Variants in MNAT1 observed in about 807,000 individuals in gnomAD.
The protein encoded by MNAT1 is MNAT1 component of CDK activating kinase, also known as CDK-activating kinase assembly factor MAT1.
In MNAT1, 43 loss-of-function variants were observed where a neutral mutation model predicts 42.0. That is an observed-to-expected ratio of 1.02 (90% CI 0.80 to 1.32). The LOEUF (loss-of-function observed/expected upper bound fraction) is 1.32. Ranked by LOEUF, MNAT1 falls within the 40% of genes most tolerant of loss-of-function variation. The pLI is 0.00. For missense variants in MNAT1, 306 were observed against 350.4 expected, an observed-to-expected ratio of 0.87 and a Z score of 1.01; for synonymous variants, 118 against 120.0, an observed-to-expected ratio of 0.98 and a Z score of 0.11.
intron 6 of MNAT1, among the ~76,000 whole-genome samples, chr14:60,863,650 A>T (rs961398227): frequency 1.2e-4 from 18 of 152,142 alleles, no homozygotes; most frequent in African/African-American, 4.1e-4. Context: ...TTTTAATTTT[A>T]AAAAATGGAC....
chr14:60,955,030 C>T (rs1327986161), intron 7 of MNAT1, among the ~76,000 whole-genome samples: 1 of 151,870 alleles, frequency 6.6e-6, no homozygotes, highest in Non-Finnish European at 1.5e-5. Flanking sequence ...CATAGATTTC[C>T]ATATGTTGCA....
At chr14:60,780,125 G>A (rs2031405023) in intron 1 of MNAT1, 1 of 1,487,042 alleles carries the variant, frequency 6.7e-7, no homozygotes. Context: ...GCAGAAATAC[G>A]GACTCACCTT....
At position 60,794,662 on chromosome 14, in the gene MNAT1, T is replaced by A. The variant is rs1336287474; in HGVS notation, c.90-1555T>A. On this transcript the variant is annotated intron_variant, in intron 1 of 7. Transcript: ENST00000261245. The stretch of plus-strand genomic sequence containing the variant: ...AAAAAAAAAAAAAAAAAAAAAAAAA[T>A]ATATATATATATATATAAAATAGGT... 1.3e-4 allele frequency among the ~76,000 whole-genome samples: 16 copies of A among 124,690 alleles called. No homozygotes were observed. In the South Asian group the frequency reaches 2.8e-3, roughly 22 times the overall value. 81.8% of individuals were successfully genotyped at this position (124,690 alleles called of 152,430 possible). A position where few individuals can be genotyped will look rare whatever the true frequency, so the allele number is the denominator to read the frequency against.
In MNAT1 at chr14:60,811,974, ATT is replaced by A. The variant is rs2032559728; in HGVS notation, c.421-9_421-8del. The A allele has an allele frequency of 6.4e-7, 1 of 1,553,942 alleles. No homozygotes were observed. The highest frequency in any genetic ancestry group is 8.6e-7 in the Non-Finnish European group (1 of 1,156,848). Reference sequence around the variant, plus strand: ...TAAATTTATTCCACGCCATATATAAATTTTTGTTTTAGACTCGAGAACAGGAA... The same window carrying A: ...TAAATTTATTCCACGCCATATATAAATTTGTTTTAGACTCGAGAACAGGAA... On this transcript the variant is annotated splice_polypyrimidine_tract_variant and intron_variant, in intron 4 of 7. Coordinates refer to ENST00000261245, the MANE Select transcript of MNAT1 (RefSeq NM_002431.4).
At chr14:60,882,590 T>C (rs945928288) in intron 7 of MNAT1, among the ~76,000 whole-genome samples, 2 of 152,334 alleles carry the variant, frequency 1.3e-5, no homozygotes, top group Middle Eastern at 3.4e-3. Flanking sequence ...TTCTTTTGGG[T>C]ATATACCCAG....
chr14:60,864,133 G>A (rs569041446), intron 6 of MNAT1, among the ~76,000 whole-genome samples: 2 of 151,986 alleles, frequency 1.3e-5, no homozygotes, highest in African/African-American at 4.8e-5. Flanking sequence ...AATGTGTTAT[G>A]GAAAAATTGA....
chr14:60,936,163 A>G (rs2035990585), intron 7 of MNAT1, among the ~76,000 whole-genome samples: 1 of 152,166 alleles, frequency 6.6e-6, no homozygotes, highest in Non-Finnish European at 1.5e-5. Flanking sequence ...CATCTGCACG[A>G]AAGCATCTGA....
At chr14:60,803,443 A>T (rs1397027616) in intron 3 of MNAT1, among the ~76,000 whole-genome samples, 1 of 152,178 alleles carries the variant, frequency 6.6e-6, no homozygotes, top group Non-Finnish European at 1.5e-5. Flanking sequence ...AGGCATTTTT[A>T]TTCCTATTTT....
intron 1 of MNAT1, among the ~76,000 whole-genome samples, chr14:60,753,141 A>G (rs892022343): frequency 1.3e-5 from 2 of 152,120 alleles, no homozygotes; most frequent in Non-Finnish European, 2.9e-5. Context: ...TTATTTTCTC[A>G]CGGTTCTTGT....
chr14:60,760,389 C>CA (rs1470784400), intron 1 of MNAT1, among the ~76,000 whole-genome samples: 1 of 152,060 alleles, frequency 6.6e-6, no homozygotes, highest in East Asian at 1.9e-4. Flanking sequence ...GCCTTTCCCC[C>CA]ACCACACTTG....
At chr14:60,940,043 T>G (rs987930297) in intron 7 of MNAT1, among the ~76,000 whole-genome samples, 5 of 152,220 alleles carry the variant, frequency 3.3e-5, no homozygotes, top group Non-Finnish European at 5.9e-5. Context: ...TATGAGAGAC[T>G]AGGATCGCAA....
intron 7 of MNAT1, among the ~76,000 whole-genome samples, chr14:60,910,254 A>G (rs1005707623): frequency 1.2e-4 from 19 of 152,200 alleles, no homozygotes; most frequent in Non-Finnish European, 2.6e-4. Context: ...TAGATATACA[A>G]TCATGTCATC....
intron 7 of MNAT1, among the ~76,000 whole-genome samples, chr14:60,882,193 A>G (rs916950501): frequency 1.3e-5 from 2 of 151,922 alleles, no homozygotes; most frequent in Admixed American, 1.3e-4. Flanking sequence ...TATTCATTCT[A>G]ACTATTTTTT....
chr14:60,939,553 T>C (rs1374056013), intron 7 of MNAT1, among the ~76,000 whole-genome samples: 1 of 152,240 alleles, frequency 6.6e-6, no homozygotes, highest in Non-Finnish European at 1.5e-5. Flanking sequence ...TCAGTGAGTT[T>C]CTTAATCCTG....
intron 6 of MNAT1, among the ~76,000 whole-genome samples, chr14:60,857,154 A>C (rs1410404051): frequency 6.6e-6 from 1 of 152,216 alleles, no homozygotes; most frequent in Non-Finnish European, 1.5e-5. Context: ...TTTCTTTCAA[A>C]ATATTACTGT....
chr14:60,918,757 T>TATATATATATATATA (rs76614015), intron 7 of MNAT1, among the ~76,000 whole-genome samples: 1 of 144,602 alleles, frequency 6.9e-6, no homozygotes, highest in African/African-American at 2.5e-5. Flanking sequence ...TATATATATA[T>TATATATATATATATA]TTTTGTCCTT....
At chr14:60,834,751 G>A (rs1169899373) in intron 6 of MNAT1, among the ~76,000 whole-genome samples, 2 of 152,200 alleles carry the variant, frequency 1.3e-5, no homozygotes, top group Admixed American at 6.5e-5. Flanking sequence ...AAAATTGACA[G>A]TGGGGTGTTA....
chr14:60,912,735 CT>C (rs2035402120), intron 7 of MNAT1, among the ~76,000 whole-genome samples: 1 of 152,168 alleles, frequency 6.6e-6, no homozygotes, highest in Non-Finnish European at 1.5e-5. Flanking sequence ...GTAACCTGAC[CT>C]TTCTCTCTGG....
At chr14:60,750,777 A>G (rs1274056764) in intron 1 of MNAT1, among the ~76,000 whole-genome samples, 1 of 152,118 alleles carries the variant, frequency 6.6e-6, no homozygotes, top group African/African-American at 2.4e-5. Flanking sequence ...AGGTTTTGCA[A>G]AGTTAGCATC....
Sources: gnomAD v4.1 joint callset for allele counts (sites outside exome capture counted in the v4.1 genomes callset) on GRCh38, gnomAD v4.1.1 for gene constraint, MANE v1.5 for transcripts, NCBI Gene and HGNC (gene_info 2026-07-23, HGNC 2026-07-21) for gene names.